EFCAB6: variants seen among roughly 807,000 people sequenced by gnomAD.
The protein encoded by EFCAB6 is EF-hand calcium-binding domain-containing protein 6.
Under a neutral mutation model 169.8 loss-of-function variants are expected in EFCAB6, and 156 were observed. That is an observed-to-expected ratio of 0.92 (90% CI 0.81 to 1.05). The LOEUF (loss-of-function observed/expected upper bound fraction) is 1.05, where lower values mean the gene tolerates loss of function less well. Ranked by LOEUF, EFCAB6 falls within the 50% of genes least tolerant of loss-of-function variation. The pLI, the probability that EFCAB6 is intolerant of heterozygous loss-of-function variation, is 0.00. For synonymous variants in EFCAB6, 698 were observed against 676.4 expected (o/e 1.03, Z -0.50); for missense variants, 1,800 against 1,829.1 (o/e 0.98, Z 0.29).
At position 43,673,282 on chromosome 22, in the gene EFCAB6, T is replaced by G. The variant is rs190009095; in HGVS notation, c.1420-977A>C. Among the ~76,000 whole-genome samples the G allele has an allele frequency of 2.0e-5, 3 of 152,336 alleles. No homozygotes were observed. The East Asian group carries it at 5.8e-4, about 29-fold the overall frequency. On this transcript the variant is annotated intron_variant, in intron 13 of 31. Transcript: ENST00000262726. ...ATTCTGTACTTTATACATATCATTC[T>G]CTTTAAAAATTATTAAAATAGTAAT...
chr22:43,652,831 TATGA>T (rs2056542656), intron 17 of EFCAB6, among the ~76,000 whole-genome samples: 2 of 149,206 alleles, frequency 1.3e-5, no homozygotes, highest in African/African-American at 4.9e-5. Context: ...AAAAAAAAGC[TATGA>T]ATATGTTTAA....
intron 6 of EFCAB6, among the ~76,000 whole-genome samples, chr22:43,739,102 C>T (rs2060273325): frequency 1.3e-5 from 2 of 152,204 alleles, no homozygotes; most frequent in African/African-American, 4.8e-5. Flanking sequence ...CACTGAAATC[C>T]CCTCAAGATT....
intron 2 of EFCAB6, among the ~76,000 whole-genome samples, chr22:43,798,333 T>G (rs1603385574): frequency 6.6e-6 from 1 of 151,144 alleles, no homozygotes; most frequent in Non-Finnish European, 1.5e-5. Context: ...GCCTGGGCAA[T>G]AGAGCGAGAC....
chr22:43,666,691 GTTTTTT>G (rs137764), intron 17 of EFCAB6, among the ~76,000 whole-genome samples: 1 of 77,864 alleles, frequency 1.3e-5, no homozygotes, highest in South Asian at 5.2e-4. Context: ...CTGCCAGATT[GTTTTTT>G]TTTTTTTTTT....
intron 22 of EFCAB6, among the ~76,000 whole-genome samples, chr22:43,602,481 T>C (rs966205685): frequency 6.6e-6 from 1 of 152,136 alleles, no homozygotes; most frequent in African/African-American, 2.4e-5. Context: ...GAATTTCACA[T>C]GGACATACCT....
At chr22:43,633,524 G>A (rs1454165069) in intron 18 of EFCAB6, among the ~76,000 whole-genome samples, 1 of 152,182 alleles carries the variant, frequency 6.6e-6, no homozygotes, top group Non-Finnish European at 1.5e-5. Flanking sequence ...CTTCAGCCTG[G>A]TGACAGAGTG....
intron 10 of EFCAB6, among the ~76,000 whole-genome samples, chr22:43,710,735 G>C (rs1055940974): frequency 6.6e-6 from 1 of 152,188 alleles, no homozygotes; most frequent in Admixed American, 6.5e-5. Context: ...ATCACGAAAA[G>C]AGAGACAGTC....
intron 26 of EFCAB6, among the ~76,000 whole-genome samples, chr22:43,568,928 T>C (rs1167446836): frequency 6.6e-6 from 1 of 152,164 alleles, no homozygotes; most frequent in Non-Finnish European, 1.5e-5. Flanking sequence ...GCTTCTCCAG[T>C]GGGGAAGGGG....
In EFCAB6 at chr22:43,537,929, C is replaced by A. The variant is rs761989121; in HGVS notation, c.3880-384G>T. 1.3e-5 allele frequency among the ~76,000 whole-genome samples: 2 copies of A among 152,122 alleles called. No individual in the cohort carries two copies. The highest frequency in any genetic ancestry group is 4.8e-5 in the African/African-American group (2 of 41,418). ...TTTACTTGTCCTGGGCACAAGACAT[C>A]CAATCCGTAAACATTCACAGAATAT... On this transcript the variant is annotated intron_variant, in intron 28 of 31. Coordinates refer to ENST00000262726, the MANE Select transcript of EFCAB6 (RefSeq NM_022785.4). This position sits in a 1 kb window ranked among gnomAD's most constrained non-coding sequence, Gnocchi z 4.3.
intron 2 of EFCAB6, among the ~76,000 whole-genome samples, chr22:43,796,207 G>A (rs1469479709): frequency 6.6e-6 from 1 of 152,048 alleles, no homozygotes; most frequent in Non-Finnish European, 1.5e-5. Flanking sequence ...TGTCAGCCAG[G>A]TTTCCTTAAT....
chr22:43,763,527 T>G (rs1014529536), intron 5 of EFCAB6, among the ~76,000 whole-genome samples: 1 of 152,170 alleles, frequency 6.6e-6, no homozygotes, highest in Non-Finnish European at 1.5e-5. Flanking sequence ...ACACAAATTC[T>G]TACACCTAAA....
intron 24 of EFCAB6, among the ~76,000 whole-genome samples, chr22:43,589,233 G>A (rs867307192): frequency 3.3e-4 from 45 of 137,592 alleles, no homozygotes; most frequent in Admixed American, 6.1e-4. Flanking sequence ...TGGCTGACAC[G>A]GTGTAACCCC....
chr22:43,576,505 G>GA lies in EFCAB6; in HGVS notation c.3229-18dup. 1 of 1,505,004 alleles carries GA rather than the reference G, an allele frequency of 6.6e-7. No individual in the cohort carries two copies. Among genetic ancestry groups the GA allele is most frequent in the Non-Finnish European group, 8.8e-7 (1 of 1,135,082 alleles). 93.2% of individuals were successfully genotyped at this position (1,505,004 alleles called of 1,614,324 possible). On this transcript the variant is annotated splice_polypyrimidine_tract_variant and intron_variant, in intron 25 of 31. Coordinates refer to ENST00000262726, the MANE Select transcript of EFCAB6 (RefSeq NM_022785.4). The stretch of plus-strand genomic sequence containing the variant: ...AGAAAATGCCTAAAAAGAAAGAAAA[G>GA]AAAAAAAGATGGCAAATCCTGTCAA...
At chr22:43,605,102 G>A (rs976004017) in intron 22 of EFCAB6, among the ~76,000 whole-genome samples, 2 of 152,178 alleles carry the variant, frequency 1.3e-5, no homozygotes, top group Non-Finnish European at 2.9e-5. Context: ...GGTCAACACT[G>A]AGCGACACCC....
chr22:43,724,032 T>G (rs2059631920), intron 8 of EFCAB6, among the ~76,000 whole-genome samples: 1 of 152,258 alleles, frequency 6.6e-6, no homozygotes, highest in African/African-American at 2.4e-5. Context: ...AACATGCTTT[T>G]TTCATTCTGC....
intron 10 of EFCAB6, among the ~76,000 whole-genome samples, chr22:43,707,585 A>G (rs1249942526): frequency 1.3e-5 from 2 of 152,198 alleles, no homozygotes; most frequent in African/African-American, 4.8e-5. Context: ...CAGAGGCCAG[A>G]AGACCGTGAA....
intron 26 of EFCAB6, among the ~76,000 whole-genome samples, chr22:43,575,431 C>T (rs1268908004): frequency 6.9e-6 from 1 of 145,692 alleles, no homozygotes; most frequent in Non-Finnish European, 1.5e-5. Flanking sequence ...TGGTTTCAAA[C>T]TCCTGACCTC....
At chr22:43,751,715 G>A (rs527885695) in intron 6 of EFCAB6, among the ~76,000 whole-genome samples, 5 of 152,328 alleles carry the variant, frequency 3.3e-5, no homozygotes, top group Admixed American at 6.5e-5. Context: ...CGACTTGTGC[G>A]GTGATGATGA....
intron 4 of EFCAB6, among the ~76,000 whole-genome samples, chr22:43,772,189 G>T (rs2061493042): frequency 1.3e-5 from 2 of 152,190 alleles, no homozygotes; most frequent in Non-Finnish European, 2.9e-5. Context: ...CTCCTCAAGG[G>T]CAGGGCCTGA....
Sources: gnomAD v4.1 joint callset for allele counts (sites outside exome capture counted in the v4.1 genomes callset) on GRCh38, gnomAD v4.1.1 for gene constraint, Gnocchi (gnomAD v3.1) non-coding constraint, MANE v1.5 for transcripts, NCBI Gene and HGNC (gene_info 2026-07-23, HGNC 2026-07-21) for gene names.